The following ETS1 variants were observed in gnomAD, a reference collection of about 807,000 sequenced individuals.
The protein encoded by ETS1 is protein C-ets-1.
Under a neutral mutation model 58.6 loss-of-function variants are expected in ETS1, and 15 were observed. The observed-to-expected ratio is 0.26, with a 90% CI of 0.17 to 0.39. The LOEUF is 0.39. ETS1 is among the 10% of genes least tolerant of loss of function. The probability of loss-of-function intolerance (pLI) is 1.00; values close to 1 mark genes in which losing one functional copy is unlikely to be tolerated. For missense variants in ETS1, 417 were observed against 610.5 expected, an observed-to-expected ratio of 0.68 and a Z score of 3.34; for synonymous variants, 214 against 218.2, an observed-to-expected ratio of 0.98 and a Z score of 0.17.
At chr11:128,506,050 C>T (rs1342425944) in intron 3 of ETS1, among the ~76,000 whole-genome samples, 1 of 152,168 alleles carries the variant, frequency 6.6e-6, no homozygotes, top group Non-Finnish European at 1.5e-5. Flanking sequence ...AGCGCTCCCC[C>T]AGGTGTGTGC....
intron 3 of ETS1, among the ~76,000 whole-genome samples, chr11:128,548,549 T>C (rs1864173873): frequency 6.6e-6 from 1 of 152,210 alleles, no homozygotes; most frequent in East Asian, 1.9e-4. Context: ...TCTCTCTATG[T>C]CCCCAACCTA....
At chr11:128,487,772 T>C (rs1862676403) in intron 5 of ETS1, among the ~76,000 whole-genome samples, 1 of 151,898 alleles carries the variant, frequency 6.6e-6, no homozygotes, top group Admixed American at 6.6e-5. Context: ...AATAAAAATA[T>C]ACTGAAAGTT....
rs79048579 is a variant in ETS1 at position 128,516,230 on chromosome 11, C to T, written c.215-25654G>A. Among the ~76,000 whole-genome samples, 352 of 152,268 alleles carry T rather than the reference C, an allele frequency of 2.3e-3. 1 individual carries two copies. The highest frequency in any genetic ancestry group is 8.2e-3 in the African/African-American group (339 of 41,554). ...GAAGTTTTGAAAAAGATATCATCAA[C>T]CCGACAGAAAAAATAAAGCAGAAAG... On this transcript the variant is annotated intron_variant, in intron 3 of 9. Transcript: ENST00000392668.
At chr11:128,566,585 C>T (rs11221353) in intron 2 of ETS1, among the ~76,000 whole-genome samples, 13 of 152,062 alleles carry the variant, frequency 8.5e-5, no homozygotes, top group Admixed American at 2.6e-4. Flanking sequence ...AGATCGAGAC[C>T]ATCCTGGCTA....
rs916487617 is a variant in ETS1 at position 128,463,497 on chromosome 11, C to T, written c.1242+12G>A. The T allele has an allele frequency of 4.8e-6, 7 of 1,454,948 alleles. No homozygotes were observed. The highest frequency in any genetic ancestry group is 4.8e-6 in the Non-Finnish European group (5 of 1,034,950). The allele number at this position is 1,454,948 out of a possible 1,614,324, so 90.1% of individuals were successfully genotyped here. ...TCCTCAACACAGTACTCGCAAGCCC[C>T]TCCTTCCTTACCTCATCTGGGTCAG... On this transcript the variant is annotated intron_variant, in intron 9 of 9. Transcript: ENST00000392668. This position sits in a 1 kb window ranked among gnomAD's most constrained non-coding sequence, Gnocchi z 4.1.
chr11:128,585,156 GAA>G lies in ETS1; in HGVS notation c.-15+2330_-15+2331del, dbSNP rs1476077273. Among the ~76,000 whole-genome samples the G allele has an allele frequency of 6.0e-3, 173 of 28,928 alleles. 19 individuals carry two copies. The highest frequency in any genetic ancestry group is 0.022 in the Middle Eastern group (2 of 92). The allele number at this position is 28,928 out of a possible 152,430, so 19.0% of individuals were successfully genotyped here. The stretch of plus-strand genomic sequence containing the variant: ...GAAAGAAAAGAAAGAAAGAAAGAAA[GAA>G]AGAAAGAAAGAGAAAGAAAGAAAGA... On this transcript the variant is annotated intron_variant, in intron 1 of 9. Coordinates refer to ENST00000392668, the MANE Select transcript of ETS1 (RefSeq NM_001143820.2).
At chr11:128,575,812 C>T (rs1565417002) in intron 1 of ETS1, among the ~76,000 whole-genome samples, 2 of 152,208 alleles carry the variant, frequency 1.3e-5, no homozygotes, top group African/African-American at 4.8e-5. Flanking sequence ...TAGAGTCCCA[C>T]AAGTGGCAAA....
intron 8 of ETS1, among the ~76,000 whole-genome samples, chr11:128,477,988 A>C (rs928413286): frequency 5.9e-5 from 9 of 152,190 alleles, no homozygotes; most frequent in Non-Finnish European, 5.9e-5. Flanking sequence ...AAATTTGCCT[A>C]AAACCACACA....
rs1864633762 is a variant in ETS1 at position 128,571,528 on chromosome 11, A to G, written c.69+1534T>C. On this transcript the variant is annotated intron_variant, in intron 2 of 9. Transcript: ENST00000392668. ...AAAAAAAAAAAAAAAAAAAAAAAAA[A>G]AAAAAAAAAAAAAAACTTCAAACAA... 3.5e-5 allele frequency among the ~76,000 whole-genome samples: 4 copies of G among 114,198 alleles called. No individual in the cohort carries two copies. The South Asian group carries it at 8.2e-4, about 24-fold the overall frequency. The allele number at this position is 114,198 out of a possible 152,430, so 74.9% of individuals were successfully genotyped here.
intron 3 of ETS1, chr11:128,536,437 A>T (rs370412469): frequency 6.6e-6 from 1 of 152,256 alleles, no homozygotes. Context: ...TTATTCAAAT[A>T]GTAAGAAGAG....
chr11:128,499,799 G>T (rs1231837481), intron 3 of ETS1, among the ~76,000 whole-genome samples: 1 of 152,112 alleles, frequency 6.6e-6, no homozygotes, highest in Non-Finnish European at 1.5e-5. Flanking sequence ...TGGTCGGGGG[G>T]TAAAACAGGC....
intron 7 of ETS1, 100 bp downstream of exon 7, chr11:128,484,723 G>T (rs2135450205): frequency 4.7e-6 from 5 of 1,060,992 alleles, no homozygotes; most frequent in Non-Finnish European, 2.8e-6. Flanking sequence ...GAATCTACAG[G>T]TCTAATAAAT....
At chr11:128,555,677 G>T (rs1477119215) in intron 3 of ETS1, among the ~76,000 whole-genome samples, 1 of 152,096 alleles carries the variant, frequency 6.6e-6, no homozygotes, top group Admixed American at 6.5e-5. Context: ...GAATTTGTGA[G>T]AAACAGAGTG....
At chr11:128,509,511 A>G (rs1227879965) in intron 3 of ETS1, among the ~76,000 whole-genome samples, 1 of 146,736 alleles carries the variant, frequency 6.8e-6, no homozygotes, top group Non-Finnish European at 1.5e-5. Flanking sequence ...TCATGTGTCT[A>G]CTTTGGATTT....
chr11:128,556,330 T>A lies in ETS1; in HGVS notation c.175A>T (p.Thr59Ser). The change falls in exon 3 of 10, where the codon ACT becomes TCT. Residue 59 changes from threonine (T) to serine (S), a missense_variant. By Grantham distance (58) the Thr-to-Ser change is moderately conservative (BLOSUM62 1). Around this residue, in one of 4 missense-constraint regions of ETS1, gnomAD observed 90 missense variants for 90.3 expected, o/e 1.00. Transcript: ENST00000392668. ...TCAAGACCAGTAGGAACTTCCTGAGTTGCCATCTCATCCCAAAAGGGGTAG... is the reference window on the plus strand; with the variant it reads ...TCAAGACCAGTAGGAACTTCCTGAGATGCCATCTCATCCCAAAAGGGGTAG... ...PCYPFWDEMA[T>S]QEVPTGLEHC... The A allele has an allele frequency of 1.2e-6, 2 of 1,613,598 alleles. No individual in the cohort carries two copies. The highest frequency in any genetic ancestry group is 1.7e-6 in the Non-Finnish European group (2 of 1,179,682).
chr11:128,557,587 G>T (rs943220531), intron 2 of ETS1, among the ~76,000 whole-genome samples: 1 of 152,112 alleles, frequency 6.6e-6, no homozygotes, highest in African/African-American at 2.4e-5. Context: ...AGACACAAAA[G>T]GAAAAGTAGC....
At chr11:128,538,750 A>C (rs1467198858) in intron 3 of ETS1, among the ~76,000 whole-genome samples, 1 of 141,458 alleles carries the variant, frequency 7.1e-6, no homozygotes, top group Non-Finnish European at 1.5e-5. Context: ...ACACACATAC[A>C]CACATACACA....
At chr11:128,542,127 C>A (rs1376144536) in intron 3 of ETS1, among the ~76,000 whole-genome samples, 1 of 152,250 alleles carries the variant, frequency 6.6e-6, no homozygotes, top group African/African-American at 2.4e-5. Flanking sequence ...ACCCCCTACA[C>A]CTTCTATTCA....
rs375030371 is a variant in ETS1 at position 128,462,366 on chromosome 11, C to T, written c.1453G>A (p.Glu485Lys). The T allele has an allele frequency of 4.3e-6, 7 of 1,611,196 alleles. No individual in the cohort carries two copies. The highest frequency in any genetic ancestry group is 2.7e-5 in the African/African-American group (2 of 74,888). Residue 485 changes from glutamate to lysine, a missense_variant, in exon 10 of 10, where the codon GAG becomes AAG. Around this residue, in one of 4 missense-constraint regions of ETS1, gnomAD observed 56 missense variants for 156.1 expected, o/e 0.36. Coordinates refer to ENST00000392668, the MANE Select transcript of ETS1 (RefSeq NM_001143820.2). ...CCCCAGCCCCTTCAGTGCCATCACT[C>T]GTCGGCATCTGGCTTGACGTCCAGC... ...AMLDVKPDAD[E>K]
Sources: allele counts gnomAD v4.1 joint callset (sites outside exome capture counted in the v4.1 genomes callset), GRCh38; gene constraint gnomAD v4.1.1; regional missense constraint gnomAD v4.1.1; non-coding constraint Gnocchi (gnomAD v3.1); transcripts MANE v1.5; gene names NCBI Gene and HGNC (gene_info 2026-07-23, HGNC 2026-07-21).